Variants in GRID2IP observed in about 807,000 individuals in gnomAD.
GRID2IP encodes the protein Grid2 interacting protein, also known as delphilin.
GRID2IP carries 78 observed loss-of-function variants against 114.3 expected under a neutral mutation model. The ratio of observed to expected loss-of-function variants is 0.68; its 90% CI spans 0.57 to 0.82. GRID2IP has a LOEUF of 0.82. Ranked by LOEUF, GRID2IP falls within the 40% of genes least tolerant of loss-of-function variation. The probability of loss-of-function intolerance (pLI) is 0.00; values close to 1 mark genes in which losing one functional copy is unlikely to be tolerated. For missense variants in GRID2IP, 1,727 were observed against 1,678.5 expected, an observed-to-expected ratio of 1.03 and a Z score of -0.51; for synonymous variants, 809 against 724.0, an observed-to-expected ratio of 1.12 and a Z score of -1.89.
In GRID2IP at chr7:6,531,683, G is replaced by A. The variant is rs76868415; in HGVS notation, c.585-4914C>T. On this transcript the variant is annotated intron_variant, in intron 2 of 21. Coordinates refer to ENST00000457091, the MANE Select transcript of GRID2IP (RefSeq NM_001145118.2). The stretch of plus-strand genomic sequence containing the variant: ...CTGGCTAATTATCGGCTGTGGCCGA[G>A]AAGAGGCTGGATAGGGAGGCTTTGA... 5.6e-4 allele frequency among the ~76,000 whole-genome samples: 86 copies of A among 152,360 alleles called. No homozygotes were observed. In the East Asian group the frequency reaches 0.015, roughly 27 times the overall value.
At chr7:6,541,530 T>C (rs923358002) in intron 1 of GRID2IP, among the ~76,000 whole-genome samples, 4 of 152,172 alleles carry the variant, frequency 2.6e-5, no homozygotes, top group African/African-American at 9.7e-5. Flanking sequence ...CTGATACTAA[T>C]CAAGGCACAT....
Position 6,536,756 on chromosome 7 carries a change from T to A in GRID2IP, c.584+2962A>T. 1.4e-6 allele frequency: 1 copy of A among 700,216 alleles called. No homozygotes were observed. The highest frequency in any genetic ancestry group is 2.6e-6 in the Non-Finnish European group (1 of 383,248). The allele number at this position is 700,216 out of a possible 1,614,324, so 43.4% of individuals were successfully genotyped here. ...CCAGCGCATCATCTCCGCGGCAAAT[T>A]CGGCTCTAGAAATAACTTTTTTCCT... On this transcript the variant is annotated intron_variant, in intron 2 of 21. Coordinates refer to ENST00000457091, the MANE Select transcript of GRID2IP (RefSeq NM_001145118.2). The surrounding 1 kb of genome is among the most constrained non-coding windows in gnomAD (Gnocchi z 5.3).
intron 1 of GRID2IP, 114 bp from the exon 2 acceptor site, chr7:6,539,986 G>T: frequency 1.1e-6 from 1 of 875,066 alleles, no homozygotes. Context: ...GCTGACGTGG[G>T]CGTACCACCT....
In GRID2IP at chr7:6,526,864, G is replaced by A. The variant is rs1162655549; in HGVS notation, c.585-95C>T. The stretch of plus-strand genomic sequence containing the variant: ...GCGCGTCCTCGCGGGCGCCGCCCTA[G>A]GCTCTCCCACCTCTTCCTAGGAGTG... On this transcript the variant is annotated intron_variant, in intron 2 of 21. Coordinates refer to ENST00000457091, the MANE Select transcript of GRID2IP (RefSeq NM_001145118.2). The surrounding 1 kb of genome is among the most constrained non-coding windows in gnomAD (Gnocchi z 7.6). 7.6e-7 allele frequency: 1 copy of A among 1,312,196 alleles called. No individual in the cohort carries two copies. The highest frequency in any genetic ancestry group is 3.3e-5 in the East Asian group (1 of 30,184). 81.3% of individuals were successfully genotyped at this position (1,312,196 alleles called of 1,614,324 possible).
intron 1 of GRID2IP, among the ~76,000 whole-genome samples, chr7:6,542,950 C>T (rs1779835018): frequency 6.6e-6 from 1 of 152,148 alleles, no homozygotes; most frequent in African/African-American, 2.4e-5. Flanking sequence ...GTCCATGAGT[C>T]GTTCACGTCT....
In GRID2IP at chr7:6,521,992, G is replaced by A. The variant is rs1779421473; in HGVS notation, c.920-35C>T. The A allele has an allele frequency of 1.3e-6, 2 of 1,513,570 alleles. No homozygotes were observed. The highest frequency in any genetic ancestry group is 1.8e-6 in the Non-Finnish European group (2 of 1,112,838). 93.8% of individuals were successfully genotyped at this position (1,513,570 alleles called of 1,614,324 possible). A position where few individuals can be genotyped will look rare whatever the true frequency, so the allele number is the denominator to read the frequency against. ...AGAAGAGAGGGTGTGCCGGTCAGCT[G>A]GGCAGGGTACCACTTTGAGAGCAGG... On this transcript the variant is annotated intron_variant, in intron 4 of 21. Transcript: ENST00000457091. This position sits in a 1 kb window ranked among gnomAD's most constrained non-coding sequence, Gnocchi z 4.1.
intron 2 of GRID2IP, chr7:6,531,122 C>G: frequency 1.9e-6 from 1 of 527,640 alleles, no homozygotes; most frequent in Non-Finnish European, 3.4e-6. Flanking sequence ...GGGACCGCGG[C>G]GCGGCAGGTG....
At position 6,516,315 on chromosome 7, in the gene GRID2IP, G is replaced by T. The variant is rs118063962; in HGVS notation, c.1269-1786C>A. 3.4e-4 allele frequency among the ~76,000 whole-genome samples: 51 copies of T among 151,986 alleles called. No homozygotes were observed. The highest frequency in any genetic ancestry group is 4.6e-4 in the Non-Finnish European group (31 of 67,970). On this transcript the variant is annotated intron_variant, in intron 7 of 21. Coordinates refer to ENST00000457091, the MANE Select transcript of GRID2IP (RefSeq NM_001145118.2). This position sits in a 1 kb window ranked among gnomAD's most constrained non-coding sequence, Gnocchi z 4.3. ...ATAGTTATACTAGAAATAGATTATA[G>T]ATATGTATATGAATATTATTAATAA... is the stretch of plus-strand genomic sequence containing the variant.
intron 1 of GRID2IP, among the ~76,000 whole-genome samples, chr7:6,543,842 C>G (rs1174753804): frequency 6.6e-6 from 1 of 151,916 alleles, no homozygotes; most frequent in Non-Finnish European, 1.5e-5. Context: ...CTCACTCTGT[C>G]GCTCTGTGCA....
chr7:6,513,118 T>C (rs1413005485), intron 8 of GRID2IP, among the ~76,000 whole-genome samples: 1 of 152,088 alleles, frequency 6.6e-6, no homozygotes. Context: ...TGCAGGCCTG[T>C]GTGTGTGCAA....
At chr7:6,502,178 G>A in intron 18 of GRID2IP, 60 bp from the exon 19 acceptor site, 1 of 1,471,158 alleles carries the variant, frequency 6.8e-7, no homozygotes, top group Non-Finnish European at 9.2e-7. Context: ...GGTCACATGG[G>A]CCCAGCTTCT....
rs1489901144 is a variant in GRID2IP at position 6,526,105 on chromosome 7, G to A, written c.919+119C>T. The A allele has an allele frequency of 1.8e-5, 13 of 740,104 alleles. No homozygotes were observed. Among genetic ancestry groups the A allele is most frequent in the African/African-American group, 3.5e-5 (2 of 57,642 alleles). 45.8% of individuals were successfully genotyped at this position (740,104 alleles called of 1,614,324 possible). A position where few individuals can be genotyped will look rare whatever the true frequency, so the allele number is the denominator to read the frequency against. On this transcript the variant is annotated intron_variant, in intron 4 of 21. Coordinates refer to ENST00000457091, the MANE Select transcript of GRID2IP (RefSeq NM_001145118.2). The surrounding 1 kb of genome is among the most constrained non-coding windows in gnomAD (Gnocchi z 7.6). ...GGTCTACACAAGGATGGTACCTGAC[G>A]TGGAGGGGTTGCTGAGCAGGAGCCT...
chr7:6,504,638 G>A (rs374873489), intron 15 of GRID2IP, among the ~76,000 whole-genome samples, 155 bp downstream of exon 15: 1 of 152,280 alleles, frequency 6.6e-6, no homozygotes, highest in Non-Finnish European at 1.5e-5. Flanking sequence ...GGATCTGGCT[G>A]GCTATGGGGC....
Position 6,504,830 on chromosome 7 carries a change from C to T in GRID2IP, c.2673G>A (p.Val891=), listed in dbSNP as rs1453066088. Reference sequence around the variant, plus strand: ...CCTTCTTATGGGACAGGATCTCCACCACCTCCTTCTTCCGGAAGGGCTCCG... The same window carrying T: ...CCTTCTTATGGGACAGGATCTCCACTACCTCCTTCTTCCGGAAGGGCTCCG... ...PGPEPFRKKE[V]VEILSHKKAY... The change falls in exon 15 of 22, where the codon GTG becomes GTA. Residue 891 remains valine, a synonymous_variant. Transcript: ENST00000457091. 1 of 1,551,434 alleles carries T rather than the reference C, an allele frequency of 6.4e-7. No homozygotes were observed. The highest frequency in any genetic ancestry group is 8.7e-7 in the Non-Finnish European group (1 of 1,146,850).
rs960503078 is a variant in GRID2IP at position 6,503,170 on chromosome 7, C to T, written c.2908-7G>A. The T allele has an allele frequency of 6.6e-7, 1 of 1,508,570 alleles. No individual in the cohort carries two copies. The highest frequency in any genetic ancestry group is 2.1e-5 in the Admixed American group (1 of 46,750). The allele number at this position is 1,508,570 out of a possible 1,614,324, so 93.4% of individuals were successfully genotyped here. On this transcript the variant is annotated splice_region_variant and splice_polypyrimidine_tract_variant and intron_variant, in intron 16 of 21. Coordinates refer to ENST00000457091, the MANE Select transcript of GRID2IP (RefSeq NM_001145118.2). Reference sequence around the variant, plus strand: ...ATTCGGGAACTGACAGCATCTGCCTCGAAGGCAGAGCCAGGATTCACCCAT... The same window carrying T: ...ATTCGGGAACTGACAGCATCTGCCTTGAAGGCAGAGCCAGGATTCACCCAT...
rs955552319 is a variant in GRID2IP at position 6,509,107 on chromosome 7, G to T, written c.1978C>A (p.Arg660Ser). The T allele has an allele frequency of 6.8e-7, 1 of 1,480,476 alleles. No individual in the cohort carries two copies. The highest frequency in any genetic ancestry group is 9.0e-7 in the Non-Finnish European group (1 of 1,114,466). 91.7% of individuals were successfully genotyped at this position (1,480,476 alleles called of 1,614,324 possible). ...AAGAGCTTCCTGCGGCTGGGCGGGC[G>T]GGTGGGGTCCGGGCTTGGGGGGCTG... ...PDSPPSPDPT[R>S]PPSRRKLFTF... Residue 660 changes from arginine (R) to serine (S), a missense_variant, in exon 12 of 22, where the codon CGC (arginine) becomes AGC (serine). Transcript: ENST00000457091. The surrounding 1 kb of genome is among the most constrained non-coding windows in gnomAD (Gnocchi z 4.9).
rs772581192 is a variant in GRID2IP, at chr7:6,509,987, C to G, written c.1771+296G>C. On this transcript the variant is annotated intron_variant, in intron 11 of 21. Transcript: ENST00000457091. The surrounding 1 kb of genome is among the most constrained non-coding windows in gnomAD (Gnocchi z 4.9). ...GGGACTACAGGCATATGCAACCATG[C>G]CCAGCTAATTTTGTATTTTTTTTGT... Among the ~76,000 whole-genome samples, 11 of 152,130 alleles carry G rather than the reference C, an allele frequency of 7.2e-5. No individual in the cohort carries two copies. The highest frequency in any genetic ancestry group is 1.6e-4 in the Non-Finnish European group (11 of 68,028).
At chr7:6,500,438 T>C (rs1786381360) in intron 20 of GRID2IP, among the ~76,000 whole-genome samples, 1 of 152,174 alleles carries the variant, frequency 6.6e-6, no homozygotes, top group Non-Finnish European at 1.5e-5. Flanking sequence ...CACTCCAGCC[T>C]GGGCAACAGA....
In GRID2IP at chr7:6,542,323, A is replaced by AG. The variant is rs1196665258; in HGVS notation, c.430-2452_430-2451insC. ...CTCCATCTCAAAAAAAAAAAAAAAA[A>AG]AAAGAAAAAAGAAAATCCCAAAGTA... On this transcript the variant is annotated intron_variant, in intron 1 of 21. Coordinates refer to ENST00000457091, the MANE Select transcript of GRID2IP (RefSeq NM_001145118.2). Among the ~76,000 whole-genome samples, 27 of 150,998 alleles carry AG rather than the reference A, an allele frequency of 1.8e-4. No individual in the cohort carries two copies. The South Asian group carries it at 2.3e-3, about 13-fold the overall frequency.
Sources: allele counts gnomAD v4.1 joint callset (sites outside exome capture counted in the v4.1 genomes callset), GRCh38; gene constraint gnomAD v4.1.1; non-coding constraint Gnocchi (gnomAD v3.1); transcripts MANE v1.5; gene names NCBI Gene and HGNC (gene_info 2026-07-23, HGNC 2026-07-21).